Variants in RNF185 observed in about 807,000 individuals in gnomAD.
The protein encoded by RNF185 is E3 ubiquitin-protein ligase RNF185.
A neutral mutation model predicts 24.9 loss-of-function variants in RNF185; 13 were observed. The ratio of observed to expected loss-of-function variants is 0.52; its 90% CI spans 0.34 to 0.83. The LOEUF (loss-of-function observed/expected upper bound fraction) is 0.83. Among genes scored for constraint, RNF185 ranks in the 40% least tolerant of loss-of-function variants. The pLI, the probability that RNF185 is intolerant of heterozygous loss-of-function variation, is 0.01. For synonymous variants in RNF185, 79 were observed against 90.3 expected (o/e 0.88, Z 0.71); for missense variants, 184 against 244.7 (o/e 0.75, Z 1.65).
chr22:31,202,324 A>G (rs1036962359), intron 6 of RNF185, among the ~76,000 whole-genome samples: 2 of 152,146 alleles, frequency 1.3e-5, no homozygotes, highest in African/African-American at 4.8e-5. Context: ...GCCTGCAGAG[A>G]TGCCATGATC....
chr22:31,180,538 T>TA (rs398121792), intron 1 of RNF185, among the ~76,000 whole-genome samples: 1 of 151,352 alleles, frequency 6.6e-6, no homozygotes, highest in Non-Finnish European at 1.5e-5. Context: ...TTTTTTTTTT[T>TA]AATACAATCA....
intron 1 of RNF185, among the ~76,000 whole-genome samples, chr22:31,169,636 T>C (rs1204856293): frequency 1.3e-5 from 2 of 152,206 alleles, no homozygotes; most frequent in Non-Finnish European, 2.9e-5. Flanking sequence ...AACCTCTGCC[T>C]CCCGGACTCA....
chr22:31,185,115 A>G lies in RNF185; in HGVS notation c.-48-1932A>G, dbSNP rs1374463039. On this transcript the variant is annotated intron_variant, in intron 1 of 6. Coordinates refer to ENST00000326132, the MANE Select transcript of RNF185 (RefSeq NM_152267.4). ...TCCTAAGATGAAGAGAGCACATGTA[A>G]TATGAAGAAGAGGAAGGTCAGAGAG... 7.9e-5 allele frequency among the ~76,000 whole-genome samples: 12 copies of G among 152,064 alleles called. No homozygotes were observed. The East Asian group carries it at 2.3e-3, about 29-fold the overall frequency.
chr22:31,195,329 G>A, intron 3 of RNF185, 140 bp from the exon 4 acceptor site: 1 of 575,042 alleles, frequency 1.7e-6, no homozygotes, highest in Non-Finnish European at 3.1e-6. Flanking sequence ...AGGAATGGGA[G>A]TCAGGTTCCT....
At chr22:31,168,887 GC>G (rs557477806) in intron 1 of RNF185, among the ~76,000 whole-genome samples, 11 of 151,546 alleles carry the variant, frequency 7.3e-5, no homozygotes, top group African/African-American at 2.7e-4. Flanking sequence ...CAAGTCCTTT[GC>G]CCCCCCGCCC....
At chr22:31,182,146 C>G (rs564527345) in intron 1 of RNF185, among the ~76,000 whole-genome samples, 6 of 138,232 alleles carry the variant, frequency 4.3e-5, no homozygotes, top group Non-Finnish European at 9.2e-5. Flanking sequence ...GGTTTCCACT[C>G]TGTCACCCAG....
chr22:31,177,170 C>T (rs1411410870), intron 1 of RNF185, among the ~76,000 whole-genome samples: 4 of 152,104 alleles, frequency 2.6e-5, no homozygotes, highest in Non-Finnish European at 5.9e-5. Context: ...TATGTACACA[C>T]TTCTGTCAGT....
At chr22:31,170,637 A>G (rs1344529932) in intron 1 of RNF185, among the ~76,000 whole-genome samples, 3 of 151,854 alleles carry the variant, frequency 2.0e-5, no homozygotes, top group South Asian at 2.1e-4. Flanking sequence ...CAGCCTTCCA[A>G]GTAACTGGGA....
intron 3 of RNF185, among the ~76,000 whole-genome samples, chr22:31,194,895 C>A (rs956871907): frequency 6.6e-6 from 1 of 152,240 alleles, no homozygotes; most frequent in South Asian, 2.1e-4. Flanking sequence ...TTTCCCTCCC[C>A]CTGTGTTGCT....
intron 2 of RNF185, among the ~76,000 whole-genome samples, chr22:31,191,263 C>T (rs755235446): frequency 6.6e-6 from 1 of 152,074 alleles, no homozygotes; most frequent in East Asian, 1.9e-4. Flanking sequence ...GGAGATCTGC[C>T]ATGATTTGGG....
At chr22:31,189,730 C>T (rs1174066366) in intron 2 of RNF185, among the ~76,000 whole-genome samples, 3 of 125,302 alleles carry the variant, frequency 2.4e-5, no homozygotes, top group East Asian at 4.8e-4. Context: ...CTCAGCCTCC[C>T]GGGTAGCTGG....
At chr22:31,196,460 G>GTGCTATTATTT (rs1601374491) in intron 4 of RNF185, among the ~76,000 whole-genome samples, 2 of 152,180 alleles carry the variant, frequency 1.3e-5, no homozygotes, top group East Asian at 3.8e-4. Context: ...ATTTGAGGGG[G>GTGCTATTATTT]TGAGACTCAA....
In RNF185 at chr22:31,160,287, T is replaced by A. The variant is rs1923481187; in HGVS notation, c.-65T>A. Reference sequence around the variant, plus strand: ...AAAAACTGATTGACTGGGCTGGCGTTAACTGTGCGGAGGCAGGTATGTGAG... The same window carrying A: ...AAAAACTGATTGACTGGGCTGGCGTAAACTGTGCGGAGGCAGGTATGTGAG... On this transcript the variant is annotated 5_prime_UTR_variant, in exon 1 of 7. Coordinates refer to ENST00000326132, the MANE Select transcript of RNF185 (RefSeq NM_152267.4). 7.1e-6 allele frequency: 1 copy of A among 141,754 alleles called. No homozygotes were observed. The highest frequency in any genetic ancestry group is 2.2e-4 in the South Asian group (1 of 4,550). The allele number at this position is 141,754 out of a possible 1,614,324, so 8.8% of individuals were successfully genotyped here. A position where few individuals can be genotyped will look rare whatever the true frequency, so the allele number is the denominator to read the frequency against.
intron 1 of RNF185, among the ~76,000 whole-genome samples, chr22:31,164,849 G>C (rs1923816078): frequency 6.6e-6 from 1 of 151,978 alleles, no homozygotes; most frequent in African/African-American, 2.4e-5. Flanking sequence ...GCCTCCCAAA[G>C]TTCTGGGATT....
chr22:31,205,649 A>G lies in RNF185; in HGVS notation c.*1063A>G, dbSNP rs2048307565. ...TTATGAAGAGGCAAGGAAAGGGGAA[A>G]CCCACATGTGACCCTGATTTTGGTA... is the stretch of plus-strand genomic sequence containing the variant. On this transcript the variant is annotated 3_prime_UTR_variant, in exon 7 of 7. Coordinates refer to ENST00000326132, the MANE Select transcript of RNF185 (RefSeq NM_152267.4). 6.6e-6 allele frequency: 1 copy of G among 152,160 alleles called. No individual in the cohort carries two copies. Among genetic ancestry groups the G allele is most frequent in the Non-Finnish European group, 1.5e-5 (1 of 68,034 alleles). The allele number at this position is 152,160 out of a possible 1,614,324, so 9.4% of individuals were successfully genotyped here.
intron 1 of RNF185, among the ~76,000 whole-genome samples, chr22:31,173,731 G>T (rs568098205): frequency 6.6e-6 from 1 of 152,258 alleles, no homozygotes; most frequent in South Asian, 2.1e-4. Context: ...TCATGTAGAG[G>T]GCTGAGCAGT....
intron 1 of RNF185, among the ~76,000 whole-genome samples, chr22:31,179,141 G>A (rs1411643910): frequency 6.6e-6 from 1 of 152,194 alleles, no homozygotes; most frequent in East Asian, 1.9e-4. Context: ...GCCACAACAA[G>A]GTTGCTCTGT....
chr22:31,201,325 C>T (rs2048261347), intron 5 of RNF185, among the ~76,000 whole-genome samples, 173 bp from the exon 6 acceptor site: 1 of 152,210 alleles, frequency 6.6e-6, no homozygotes, highest in South Asian at 2.1e-4. Flanking sequence ...AGTTCCTCTA[C>T]TTCAGGGTAT....
intron 4 of RNF185, among the ~76,000 whole-genome samples, chr22:31,195,944 T>C (rs2048201613): frequency 6.6e-6 from 1 of 151,874 alleles, no homozygotes; most frequent in Non-Finnish European, 1.5e-5. Flanking sequence ...CTTTGTGGAG[T>C]TTGGGATTTC....
Sources: allele counts gnomAD v4.1 joint callset (sites outside exome capture counted in the v4.1 genomes callset), GRCh38; gene constraint gnomAD v4.1.1; transcripts MANE v1.5; gene names NCBI Gene and HGNC (gene_info 2026-07-23, HGNC 2026-07-21).